Variants in MTFR1 observed in about 807,000 individuals in gnomAD.
The protein encoded by MTFR1 is chondrocyte protein with a poly-proline region.
MTFR1 carries 28 observed loss-of-function variants against 38.8 expected under a neutral mutation model. The ratio of observed to expected loss-of-function variants is 0.72; its 90% CI spans 0.53 to 0.99. The LOEUF (loss-of-function observed/expected upper bound fraction) is 0.99, where lower values mean the gene tolerates loss of function less well. Ranked by LOEUF, MTFR1 falls within the 50% of genes least tolerant of loss-of-function variation. The pLI is 0.00. For missense variants in MTFR1, 358 were observed against 395.5 expected (o/e 0.91, Z 0.81); for synonymous variants, 145 against 137.0 (o/e 1.06, Z -0.41).
intron 3 of MTFR1, among the ~76,000 whole-genome samples, chr8:65,756,386 A>T (rs543720522): frequency 6.6e-6 from 1 of 152,190 alleles, no homozygotes; most frequent in South Asian, 2.1e-4. Context: ...ATGTATTGGT[A>T]CACTTGATGG....
At chr8:65,703,976 G>C (rs1168263155) in intron 4 of MTFR1, among the ~76,000 whole-genome samples, 5 of 151,954 alleles carry the variant, frequency 3.3e-5, no homozygotes, top group African/African-American at 9.7e-5. Context: ...TACTTTGGGA[G>C]GCCAAAGCTA....
chr8:65,774,966 C>G (rs1196969309), downstream of MTFR1, among the ~76,000 whole-genome samples: 1 of 152,116 alleles, frequency 6.6e-6, no homozygotes, highest in Non-Finnish European at 1.5e-5. Flanking sequence ...TAGTTTTAAC[C>G]TCACAGACCG....
At chr8:65,775,686 G>C (rs1224988277), downstream of MTFR1, among the ~76,000 whole-genome samples, 2 of 152,208 alleles carry the variant, frequency 1.3e-5, no homozygotes, top group East Asian at 3.9e-4. Flanking sequence ...TGAGTGAAGT[G>C]GTGTGATCTT....
At chr8:65,688,832 A>G (rs1184552854) in intron 3 of MTFR1, among the ~76,000 whole-genome samples, 2 of 152,114 alleles carry the variant, frequency 1.3e-5, no homozygotes, top group African/African-American at 2.4e-5. Flanking sequence ...TTATCATTTT[A>G]CTATGTTGCT....
intron 3 of MTFR1, among the ~76,000 whole-genome samples, chr8:65,738,413 G>C (rs1448111703): frequency 6.6e-6 from 1 of 152,134 alleles, no homozygotes; most frequent in African/African-American, 2.4e-5. Flanking sequence ...GACTTTCTCA[G>C]AAGTTCTCCT....
At chr8:65,663,389 A>G (rs1456238945) in intron 1 of MTFR1, among the ~76,000 whole-genome samples, 4 of 151,924 alleles carry the variant, frequency 2.6e-5, no homozygotes, top group Non-Finnish European at 5.9e-5. Flanking sequence ...GGACACAAAC[A>G]CTGTGGAAGG....
intron 3 of MTFR1, chr8:65,682,992 A>C (rs1804948953): frequency 1.2e-5 from 11 of 922,516 alleles, no homozygotes; most frequent in Non-Finnish European, 1.4e-5. Context: ...GTGAATCAGG[A>C]GAACTTTTGA....
intron 3 of MTFR1, chr8:65,723,653 G>T (rs1346006359): frequency 5.0e-6 from 7 of 1,411,570 alleles, no homozygotes; most frequent in South Asian, 1.4e-5. Flanking sequence ...GTATTAATAT[G>T]AAGAATATCT....
intron 1 of MTFR1, among the ~76,000 whole-genome samples, chr8:65,649,626 A>G (rs1047908578): frequency 2.0e-5 from 3 of 152,188 alleles, no homozygotes; most frequent in African/African-American, 7.2e-5. Context: ...TCAAGTATTT[A>G]TCCTTTCTTT....
At chr8:65,769,235 A>G in intron 3 of MTFR1, among the ~76,000 whole-genome samples, 1 of 144,040 alleles carries the variant, frequency 6.9e-6, no homozygotes, top group Non-Finnish European at 1.5e-5. Context: ...GTGACAGAGC[A>G]AGACTCAGTC....
At position 65,707,242 on chromosome 8, in the gene MTFR1, T is replaced by C. The variant is rs903052156; in HGVS notation, c.750T>C (p.Leu250=). Residue 250 remains leucine (L), a synonymous_variant, in exon 6 of 8, where the codon CTT becomes CTC. Transcript: ENST00000262146. ...TTAAAGAGATGAACAGTGTAAAACT[T>C]CGGTCAGTGAAGAGGTGAGGATACA... ...EILKEMNSVK[L]RSVKRSEQDV... 9 of 1,613,906 alleles carry C rather than the reference T, an allele frequency of 5.6e-6. No homozygotes were observed. Among genetic ancestry groups the C allele is most frequent in the Non-Finnish European group, 7.6e-6 (9 of 1,179,986 alleles).
chr8:65,743,815 T>C (rs1807546529), intron 3 of MTFR1, among the ~76,000 whole-genome samples: 1 of 151,334 alleles, frequency 6.6e-6, no homozygotes, highest in African/African-American at 2.4e-5. Flanking sequence ...CTTTCAGCTC[T>C]GGGGCAAAAC....
At chr8:65,665,821 T>G in intron 1 of MTFR1, among the ~76,000 whole-genome samples, 1 of 152,284 alleles carries the variant, frequency 6.6e-6, no homozygotes, top group Non-Finnish European at 1.5e-5. Flanking sequence ...TGGTTAATTC[T>G]TTTATTGGCA....
chr8:65,771,884 C>CAAAAAAAAAAA (rs36101490), downstream of MTFR1, among the ~76,000 whole-genome samples: 5 of 55,824 alleles, frequency 9.0e-5, no homozygotes, highest in Non-Finnish European at 1.5e-4. Flanking sequence ...CTCCATCTCT[C>CAAAAAAAAAAA]AAAAAAAAAA....
At chr8:65,737,777 C>T (rs143963787) in intron 3 of MTFR1, among the ~76,000 whole-genome samples, 2,452 of 152,252 alleles carry the variant, frequency 0.016, 41 homozygotes, top group Non-Finnish European at 0.027. Context: ...CCTCAGCCTC[C>T]CAAAGTGCTG....
chr8:65,678,570 A>G (rs7002171), intron 2 of MTFR1, among the ~76,000 whole-genome samples: 22,865 of 152,172 alleles, frequency 0.15, 1,786 homozygotes, highest in Middle Eastern at 0.19. Context: ...TTAACTTTGT[A>G]GAAGATACCT....
intron 3 of MTFR1, chr8:65,719,839 C>T (rs933254915): frequency 1.1e-5 from 3 of 273,060 alleles, no homozygotes; most frequent in East Asian, 8.4e-5. Flanking sequence ...TAGCCCAATT[C>T]GAGGCAGAGT....
chr8:65,701,807 A>G, intron 4 of MTFR1, among the ~76,000 whole-genome samples: 1 of 152,164 alleles, frequency 6.6e-6, no homozygotes, highest in East Asian at 1.9e-4. Flanking sequence ...GCAAGAGTCC[A>G]TAGGAAATAC....
intron 3 of MTFR1, among the ~76,000 whole-genome samples, chr8:65,730,273 C>T (rs562389829): frequency 3.6e-4 from 53 of 148,324 alleles, no homozygotes; most frequent in African/African-American, 7.2e-4. Context: ...CTCCACCTCC[C>T]GGGTTTAAGT....
Sources: gnomAD v4.1 joint callset for allele counts (sites outside exome capture counted in the v4.1 genomes callset) on GRCh38, gnomAD v4.1.1 for gene constraint, MANE v1.5 for transcripts, NCBI Gene and HGNC (gene_info 2026-07-23, HGNC 2026-07-21) for gene names.